The following ZNF850 variants were observed in gnomAD, a reference collection of about 807,000 sequenced individuals.
ZNF850 encodes the protein zinc finger protein 850.
In ZNF850, 2 loss-of-function variants were observed where a neutral mutation model predicts 11.9. That is an observed-to-expected ratio of 0.17 (90% CI 0.07 to 0.53). The LOEUF (loss-of-function observed/expected upper bound fraction) is 0.53. Ranked by LOEUF, ZNF850 falls within the 20% of genes least tolerant of loss-of-function variation. ZNF850 has a pLI of 0.94. For missense variants in ZNF850, 1,014 were observed against 1,316.4 expected (o/e 0.77, Z 3.55); for synonymous variants, 381 against 443.0 (o/e 0.86, Z 1.76).
At chr19:36,751,698 CAAAAAAAAAAAAA>C (rs398038336) in intron 4 of ZNF850, among the ~76,000 whole-genome samples, 3 of 15,764 alleles carry the variant, frequency 1.9e-4, no homozygotes, top group Admixed American at 1.1e-3. Flanking sequence ...GACTCCATCT[CAAAAAAAAAAAAA>C]AAAAAAAAAA....
rs1234842247 is a variant in ZNF850 at position 36,747,724 on chromosome 19, G to A, written c.*43C>T. On this transcript the variant is annotated 3_prime_UTR_variant, in exon 5 of 5. Coordinates refer to ENST00000591344, the MANE Select transcript of ZNF850 (RefSeq NM_001193552.2). ...ATTTGACCCACATATGGAATCTGCT[G>A]ATGATCCATGACAAATGGCATGAGA... 6.9e-7 allele frequency: 1 copy of A among 1,444,156 alleles called. No individual in the cohort carries two copies. Among genetic ancestry groups the A allele is most frequent in the Non-Finnish European group, 9.1e-7 (1 of 1,100,148 alleles). 89.5% of individuals were successfully genotyped at this position (1,444,156 alleles called of 1,614,324 possible). A position where few individuals can be genotyped will look rare whatever the true frequency, so the allele number is the denominator to read the frequency against.
At chr19:36,768,241 A>C (rs1444418917) in intron 1 of ZNF850, among the ~76,000 whole-genome samples, 1 of 152,008 alleles carries the variant, frequency 6.6e-6, no homozygotes, top group Non-Finnish European at 1.5e-5. Flanking sequence ...AGTAAATGAC[A>C]TTCAGGTAAG....
At chr19:36,770,342 T>TC (rs1036859171) in intron 1 of ZNF850, among the ~76,000 whole-genome samples, 1 of 152,178 alleles carries the variant, frequency 6.6e-6, no homozygotes, top group Non-Finnish European at 1.5e-5. Flanking sequence ...AACCCTCTAA[T>TC]CCTGCCTTGG....
At chr19:36,761,887 A>C in intron 3 of ZNF850, 149 bp from the exon 4 acceptor site, 1 of 550,998 alleles carries the variant, frequency 1.8e-6, no homozygotes, top group South Asian at 2.3e-5. Context: ...CTCTACTAAA[A>C]ATACAAAAAT....
Position 36,754,597 on chromosome 19 carries a change from C to T in ZNF850, c.236-3793G>A, listed in dbSNP as rs1305068676. Among the ~76,000 whole-genome samples, 9 of 151,804 alleles carry T rather than the reference C, an allele frequency of 5.9e-5. No homozygotes were observed. The East Asian group carries it at 1.7e-3, about 29-fold the overall frequency. ...TTGAGATGGAGTCTCACTCTGTCAC[C>T]CAGGCTGGAGTACAGTGGCACGATC... is the stretch of plus-strand genomic sequence containing the variant. On this transcript the variant is annotated intron_variant, in intron 4 of 4. Transcript: ENST00000591344.
intron 4 of ZNF850, among the ~76,000 whole-genome samples, chr19:36,761,439 A>AAAAT (rs573070040): frequency 1.4e-3 from 214 of 152,078 alleles, no homozygotes; most frequent in African/African-American, 4.7e-3. Flanking sequence ...ACTCCATCTC[A>AAAAT]AAATAAATAA....
Position 36,752,456 on chromosome 19 carries a change from C to A in ZNF850, c.236-1652G>T, listed in dbSNP as rs59251101. ...TTGAGCATGAATTCAAGAATAAAAA[C>A]TGTAATCATTGTAATGTAATTACAA... is the stretch of plus-strand genomic sequence containing the variant. On this transcript the variant is annotated intron_variant, in intron 4 of 4. Transcript: ENST00000591344. 4.5e-3 allele frequency among the ~76,000 whole-genome samples: 689 copies of A among 152,276 alleles called. 8 individuals are homozygous for A. The highest frequency in any genetic ancestry group is 0.016 in the African/African-American group (646 of 41,568).
chr19:36,762,059 A>AAAG (rs1555811961), intron 3 of ZNF850, among the ~76,000 whole-genome samples: 1 of 151,528 alleles, frequency 6.6e-6, no homozygotes, highest in Non-Finnish European at 1.5e-5. Flanking sequence ...AAAAAAAAAA[A>AAAG]AAAGAAAAGA....
intron 4 of ZNF850, among the ~76,000 whole-genome samples, chr19:36,754,737 A>G (rs2040475348): frequency 6.6e-6 from 1 of 151,970 alleles, no homozygotes; most frequent in African/African-American, 2.4e-5. Flanking sequence ...TTGTATTTTT[A>G]GTAGAGATGG....
Position 36,744,521 on chromosome 19 carries a change from G to A in ZNF850, c.*3246C>T, listed in dbSNP as rs1011294629. ...GTGCGCCTGTAGTCCTTGCTACTCG[G>A]GAGGCTGAGGTGGGGGATCGATTGA... On this transcript the variant is annotated 3_prime_UTR_variant, in exon 5 of 5. Coordinates refer to ENST00000591344, the MANE Select transcript of ZNF850 (RefSeq NM_001193552.2). The A allele has an allele frequency of 1.3e-5, 2 of 152,008 alleles. No homozygotes were observed. The highest frequency in any genetic ancestry group is 4.8e-5 in the African/African-American group (2 of 41,384). 9.4% of individuals were successfully genotyped at this position (152,008 alleles called of 1,614,324 possible).
Position 36,749,661 on chromosome 19 carries a change from G to T in ZNF850, c.1379C>A (p.Ser460Ter). The change falls in exon 5 of 5, where the codon TCG becomes TAG. Residue 460 changes from serine (S) to a stop codon, truncating the protein, a stop_gained. Coordinates refer to ENST00000591344, the MANE Select transcript of ZNF850 (RefSeq NM_001193552.2). LOFTEE classifies it low-confidence loss of function (END_TRUNC). ...CTGATGTTGAAGTAGTGCTGAGCCC[G>T]AAGCAAAAGATTTCCCACACTCCTT... ...DCKECGKSFASGSALLQHQRI... is the reference protein window; with the variant it reads ...DCKECGKSFA The T allele has an allele frequency of 1.3e-6, 2 of 1,552,300 alleles. No homozygotes were observed. The highest frequency in any genetic ancestry group is 2.4e-5 in the East Asian group (1 of 41,286).
At chr19:36,758,851 G>A (rs1341225558) in intron 4 of ZNF850, among the ~76,000 whole-genome samples, 1 of 151,966 alleles carries the variant, frequency 6.6e-6, no homozygotes, top group Non-Finnish European at 1.5e-5. Context: ...GGCCAAGGCA[G>A]GCAGATCACG....
intron 4 of ZNF850, among the ~76,000 whole-genome samples, chr19:36,751,695 T>G (rs1451045750): frequency 1.3e-3 from 51 of 39,368 alleles, no homozygotes; most frequent in Non-Finnish European, 1.5e-3. Flanking sequence ...CCAGACTCCA[T>G]CTCAAAAAAA....
rs2040408292 is a variant in ZNF850, at chr19:36,745,735, G to A, written c.*2032C>T. On this transcript the variant is annotated 3_prime_UTR_variant, in exon 5 of 5. Coordinates refer to ENST00000591344, the MANE Select transcript of ZNF850 (RefSeq NM_001193552.2). ...GTCCCAGGTGCAGTGGCTCATGATT[G>A]TAATCCCAGCACTTTGAGAGGACAA... 6.6e-6 allele frequency: 1 copy of A among 152,170 alleles called. No homozygotes were observed. Among genetic ancestry groups the A allele is most frequent in the Non-Finnish European group, 1.5e-5 (1 of 68,164 alleles). The allele number at this position is 152,170 out of a possible 1,614,324, so 9.4% of individuals were successfully genotyped here. A position where few individuals can be genotyped will look rare whatever the true frequency, so the allele number is the denominator to read the frequency against.
chr19:36,748,136 A>C lies in ZNF850; in HGVS notation c.2904T>G (p.Leu968=). The part of the protein sequence containing the change: ...CGKSFRQRTH[L]TLHQRIHTGD... ...CGGTATGAATTCTCTGATGTAGAGT[A>C]AGGTGTGTACGCTGTCTGAAGGACT... The change falls in exon 5 of 5, where the codon CTT becomes CTG. Residue 968 remains leucine (L), a synonymous_variant. Transcript: ENST00000591344. 4 of 1,550,124 alleles carry C rather than the reference A, an allele frequency of 2.6e-6. No individual in the cohort carries two copies. Among genetic ancestry groups the C allele is most frequent in the Non-Finnish European group, 3.5e-6 (4 of 1,150,346 alleles).
chr19:36,755,370 G>T (rs536864598), intron 4 of ZNF850, among the ~76,000 whole-genome samples: 1 of 152,048 alleles, frequency 6.6e-6, no homozygotes, highest in African/African-American at 2.4e-5. Flanking sequence ...GGGATTACAG[G>T]CATGCAACAC....
chr19:36,747,591 G>T lies in ZNF850; in HGVS notation c.*176C>A. On this transcript the variant is annotated 3_prime_UTR_variant, in exon 5 of 5. Transcript: ENST00000591344. ...GCAGAGCTTGCAGTGAGCCGAGATA[G>T]CGCCACTGCACTCCAGCCTGGGCGA... The T allele has an allele frequency of 3.5e-6, 2 of 568,276 alleles. No individual in the cohort carries two copies. Among genetic ancestry groups the T allele is most frequent in the Non-Finnish European group, 5.7e-6 (2 of 349,820 alleles). 35.2% of individuals were successfully genotyped at this position (568,276 alleles called of 1,614,324 possible).
chr19:36,768,901 G>C (rs1193313593), intron 1 of ZNF850, among the ~76,000 whole-genome samples: 3 of 150,088 alleles, frequency 2.0e-5, no homozygotes, highest in South Asian at 2.1e-4. Flanking sequence ...GGTCAAGGCT[G>C]CAGTATGCCA....
Position 36,756,699 on chromosome 19 carries a change from C to T in ZNF850, c.235+4944G>A, listed in dbSNP as rs534359321. Among the ~76,000 whole-genome samples, 8 of 152,196 alleles carry T rather than the reference C, an allele frequency of 5.3e-5. No homozygotes were observed. The South Asian group carries it at 1.0e-3, about 20-fold the overall frequency. ...CATGATCTTGGCTCACTGCAACCTC[C>T]GCCTCCTGGGCTCAACCAATTTGCC... On this transcript the variant is annotated intron_variant, in intron 4 of 4. Coordinates refer to ENST00000591344, the MANE Select transcript of ZNF850 (RefSeq NM_001193552.2).
Sources: gnomAD v4.1 joint callset for allele counts (sites outside exome capture counted in the v4.1 genomes callset) on GRCh38, gnomAD v4.1.1 for gene constraint, MANE v1.5 for transcripts, NCBI Gene and HGNC (gene_info 2026-07-23, HGNC 2026-07-21) for gene names.